CRACD: variants seen among roughly 807,000 people sequenced by gnomAD.
CRACD encodes the protein capping protein-inhibiting regulator of actin dynamics.
Under a neutral mutation model 106.8 loss-of-function variants are expected in CRACD, and 56 were observed. The ratio of observed to expected loss-of-function variants is 0.52; its 90% CI spans 0.42 to 0.66. The LOEUF is 0.66. CRACD is among the 30% of genes least tolerant of loss of function. CRACD has a pLI of 0.00. For synonymous variants in CRACD, 754 were observed against 670.8 expected (o/e 1.12, Z -1.92); for missense variants, 1,730 against 1,623.2 (o/e 1.07, Z -1.13).
chr4:56,238,535 T>G (rs115726492), intron 2 of CRACD, among the ~76,000 whole-genome samples: 4,033 of 152,232 alleles, frequency 0.026, 175 homozygotes, highest in African/African-American at 0.091. Context: ...CTCCCACCTG[T>G]CAATGGAACA....
intron 1 of CRACD, among the ~76,000 whole-genome samples, chr4:56,111,292 C>T (rs1018522025): frequency 6.6e-5 from 10 of 151,872 alleles, no homozygotes; most frequent in Non-Finnish European, 1.2e-4. Context: ...ACACTGCATT[C>T]GAAGATATGG....
intron 1 of CRACD, among the ~76,000 whole-genome samples, chr4:56,077,097 A>T (rs1175876653): frequency 1.3e-5 from 2 of 152,182 alleles, no homozygotes. Flanking sequence ...GTCCATTCTC[A>T]TGCTGCTAGA....
At chr4:56,160,319 A>C (rs1735908790) in intron 1 of CRACD, among the ~76,000 whole-genome samples, 1 of 151,882 alleles carries the variant, frequency 6.6e-6, no homozygotes, top group South Asian at 2.1e-4. Context: ...AATAGCTTGA[A>C]TTACAGGCAT....
At chr4:56,077,317 C>T (rs75408956) in intron 1 of CRACD, among the ~76,000 whole-genome samples, 1,707 of 152,304 alleles carry the variant, frequency 0.011, 47 homozygotes, top group African/African-American at 0.038. Flanking sequence ...ATCACAAGAA[C>T]AGCATGGGGG....
intron 2 of CRACD, among the ~76,000 whole-genome samples, chr4:56,194,247 A>C (rs1222970790): frequency 6.6e-6 from 1 of 152,200 alleles, no homozygotes; most frequent in East Asian, 1.9e-4. Flanking sequence ...GGAAATTTCA[A>C]TCAGAAGCAA....
intron 2 of CRACD, among the ~76,000 whole-genome samples, chr4:56,187,365 G>C (rs1423967129): frequency 1.3e-5 from 2 of 152,016 alleles, no homozygotes; most frequent in Non-Finnish European, 2.9e-5. Context: ...ACACTCGAGG[G>C]GGGCACACAA....
intron 8 of CRACD, among the ~76,000 whole-genome samples, chr4:56,322,750 C>T (rs574872900): frequency 1.3e-5 from 2 of 152,164 alleles, no homozygotes; most frequent in Non-Finnish European, 2.9e-5. Flanking sequence ...GAATTAGGGC[C>T]GGGTGCAATG....
intron 8 of CRACD, among the ~76,000 whole-genome samples, chr4:56,321,546 A>G (rs1746109104): frequency 6.6e-6 from 1 of 152,228 alleles, no homozygotes; most frequent in Admixed American, 6.5e-5. Flanking sequence ...ATAGCTTTCT[A>G]TAGAAATCAT....
intron 2 of CRACD, among the ~76,000 whole-genome samples, chr4:56,233,963 TA>T (rs1739802312): frequency 6.6e-6 from 1 of 152,240 alleles, no homozygotes; most frequent in Non-Finnish European, 1.5e-5. Context: ...ATATCATTTT[TA>T]TAATTTCAGT....
At chr4:56,065,164 T>C (rs946431056) in intron 1 of CRACD, among the ~76,000 whole-genome samples, 4 of 152,106 alleles carry the variant, frequency 2.6e-5, no homozygotes, top group Non-Finnish European at 5.9e-5. Context: ...CTCAGCTCAC[T>C]GCAACCTCCA....
chr4:56,215,124 C>T (rs773935539), intron 2 of CRACD, among the ~76,000 whole-genome samples: 1 of 152,194 alleles, frequency 6.6e-6, no homozygotes. Context: ...TTCTTCCCAC[C>T]TCAGCCTCCC....
At chr4:56,264,816 A>G (rs572688008) in intron 2 of CRACD, among the ~76,000 whole-genome samples, 13 of 152,310 alleles carry the variant, frequency 8.5e-5, no homozygotes, top group African/African-American at 2.9e-4. Flanking sequence ...TAATTTGGAG[A>G]ACTAACAAAT....
intron 1 of CRACD, among the ~76,000 whole-genome samples, chr4:56,178,677 A>G (rs151218007): frequency 5.3e-5 from 8 of 152,268 alleles, no homozygotes; most frequent in South Asian, 4.1e-4. Context: ...TTGTTGCCCC[A>G]GAATGTTGTC....
At chr4:56,129,736 G>A (rs1202671009) in intron 1 of CRACD, among the ~76,000 whole-genome samples, 1 of 152,154 alleles carries the variant, frequency 6.6e-6, no homozygotes, top group Non-Finnish European at 1.5e-5. Context: ...TCCTGGCCCA[G>A]AAAAAGCTTA....
At chr4:56,160,628 C>T (rs1251617398) in intron 1 of CRACD, among the ~76,000 whole-genome samples, 1 of 152,246 alleles carries the variant, frequency 6.6e-6, no homozygotes, top group African/African-American at 2.4e-5. Context: ...TTGACTTGGG[C>T]TTTTGCCCCA....
At chr4:56,214,780 A>C (rs1289691673) in intron 2 of CRACD, among the ~76,000 whole-genome samples, 1 of 151,166 alleles carries the variant, frequency 6.6e-6, no homozygotes, top group African/African-American at 2.4e-5. Flanking sequence ...TGGGAGGCCA[A>C]GGTAGGCAAA....
intron 2 of CRACD, among the ~76,000 whole-genome samples, chr4:56,254,164 G>A (rs1466973081): frequency 6.6e-6 from 1 of 152,162 alleles, no homozygotes; most frequent in Non-Finnish European, 1.5e-5. Flanking sequence ...GATTTAGTCT[G>A]GGAAAGAGGA....
At chr4:56,104,090 A>C (rs953779657) in intron 1 of CRACD, among the ~76,000 whole-genome samples, 10 of 152,126 alleles carry the variant, frequency 6.6e-5, no homozygotes, top group African/African-American at 2.4e-4. Flanking sequence ...TATTATTCTT[A>C]ATTCACTATC....
At chr4:56,201,668 G>A (rs1737886868) in intron 2 of CRACD, among the ~76,000 whole-genome samples, 1 of 152,152 alleles carries the variant, frequency 6.6e-6, no homozygotes, top group Non-Finnish European at 1.5e-5. Context: ...AGTTTTTCAA[G>A]TCCATGGAAA....
Sources: allele counts gnomAD v4.1 joint callset (sites outside exome capture counted in the v4.1 genomes callset), GRCh38; gene constraint gnomAD v4.1.1; transcripts MANE v1.5; gene names NCBI Gene and HGNC (gene_info 2026-07-23, HGNC 2026-07-21).